PRKDC: variants seen among roughly 807,000 people sequenced by gnomAD.
PRKDC encodes the protein DNA-dependent protein kinase catalytic subunit.
PRKDC carries 82 observed loss-of-function variants against 486.9 expected under a neutral mutation model. The ratio of observed to expected loss-of-function variants is 0.17; its 90% CI spans 0.14 to 0.20. PRKDC has a LOEUF of 0.20. PRKDC is among the 10% of genes least tolerant of loss of function. The probability of loss-of-function intolerance (pLI) is 1.00; values close to 1 mark genes in which losing one functional copy is unlikely to be tolerated. For synonymous variants in PRKDC, 1,895 were observed against 1,837.0 expected, an observed-to-expected ratio of 1.03 and a Z score of -0.81; for missense variants, 4,504 against 5,038.2, an observed-to-expected ratio of 0.89 and a Z score of 3.21.
At chr8:47,936,626 C>T in intron 11 of PRKDC, 109 bp from the exon 12 acceptor site, 2 of 1,134,472 alleles carry the variant, frequency 1.8e-6, no homozygotes, top group Non-Finnish European at 1.2e-6. Context: ...AACAAGGCTT[C>T]TTTTTTTTTT....
chr8:47,839,386 C>A, intron 55 of PRKDC, 140 bp from the exon 56 acceptor site: 1 of 663,506 alleles, frequency 1.5e-6, no homozygotes, highest in Non-Finnish European at 2.7e-6. Context: ...TCACAGCTTG[C>A]CCCACTCATG....
At chr8:47,819,348 C>T in intron 67 of PRKDC, 54 bp downstream of exon 67, 2 of 1,191,202 alleles carry the variant, frequency 1.7e-6, no homozygotes, top group Non-Finnish European at 2.4e-6. Flanking sequence ...AATTTAGATG[C>T]TAAAACTCTT....
intron 44 of PRKDC, 130 bp from the exon 45 acceptor site, chr8:47,861,101 T>C: frequency 1.5e-6 from 1 of 668,218 alleles, no homozygotes; most frequent in Non-Finnish European, 2.4e-6. Flanking sequence ...TTAAAAGCAC[T>C]CAAAAATAAC....
At chr8:47,835,965 T>C (rs374653252) in intron 58 of PRKDC, among the ~76,000 whole-genome samples, 48 of 152,246 alleles carry the variant, frequency 3.2e-4, no homozygotes, top group African/African-American at 1.1e-3. Flanking sequence ...ATGGAGTCTT[T>C]CCATGTTGCC....
At chr8:47,932,108 G>A (rs1329352961) in intron 16 of PRKDC, among the ~76,000 whole-genome samples, 2 of 148,612 alleles carry the variant, frequency 1.3e-5, no homozygotes, top group African/African-American at 5.2e-5. Flanking sequence ...TTTTGAGACA[G>A]AGTCTCGCTC....
chr8:47,861,415 T>A (rs2088675234), intron 44 of PRKDC, among the ~76,000 whole-genome samples: 1 of 152,258 alleles, frequency 6.6e-6, no homozygotes, highest in African/African-American at 2.4e-5. Flanking sequence ...TCTTTGAACA[T>A]ATGCCTAGAA....
intron 64 of PRKDC, 139 bp downstream of exon 64, chr8:47,823,719 T>G: frequency 1.0e-6 from 1 of 992,840 alleles, no homozygotes; most frequent in Non-Finnish European, 1.5e-6. Flanking sequence ...GGAAACCAAT[T>G]TTCTTCCTCA....
chr8:47,831,813 CCTT>C lies in PRKDC; in HGVS notation c.8263_8265del (p.Lys2755del), dbSNP rs764406872. 53 of 1,613,440 alleles carry C rather than the reference CCTT, an allele frequency of 3.3e-5. No individual in the cohort carries two copies. Among genetic ancestry groups the C allele is most frequent in the Non-Finnish European group, 4.4e-5 (52 of 1,179,484 alleles). On this transcript the variant is annotated inframe_deletion and splice_region_variant, in exon 60 of 86. Transcript: ENST00000314191. ...GATCAAATTCTTGACAAGATACAAA[CCTT>C]CTCTCGTTTTTGCTCAGCAACGCCT...
At chr8:47,955,461 CAAAAAAAAAAAAAA>C (rs746883720) in intron 4 of PRKDC, among the ~76,000 whole-genome samples, 2 of 18,536 alleles carry the variant, frequency 1.1e-4, no homozygotes, top group South Asian at 1.4e-3. Flanking sequence ...GACTCCGTCT[CAAAAAAAAAAAAAA>C]AAAAAAAAAA....
intron 73 of PRKDC, among the ~76,000 whole-genome samples, chr8:47,797,353 C>G (rs1057375169): frequency 1.3e-5 from 2 of 152,164 alleles, no homozygotes; most frequent in African/African-American, 4.8e-5. Flanking sequence ...AAAACACATA[C>G]ATGTTGCACT....
At chr8:47,781,432 T>C (rs2086697578) in intron 80 of PRKDC, among the ~76,000 whole-genome samples, 1 of 152,300 alleles carries the variant, frequency 6.6e-6, no homozygotes, top group African/African-American at 2.4e-5. Flanking sequence ...TTAAAAACTT[T>C]TAAAAAAGAA....
At chr8:47,933,840 G>T in intron 15 of PRKDC, 125 bp downstream of exon 15, 3 of 1,015,344 alleles carry the variant, frequency 3.0e-6, no homozygotes, top group East Asian at 3.0e-5. Context: ...TTTTATTTTT[G>T]AAGTACACTG....
At chr8:47,958,860 C>T (rs11781424) in intron 1 of PRKDC, among the ~76,000 whole-genome samples, 52 of 151,980 alleles carry the variant, frequency 3.4e-4, no homozygotes, top group African/African-American at 1.2e-3. Context: ...CTCAGCCTCC[C>T]GAATAGCTGG....
chr8:47,879,338 C>A (rs535145647), intron 39 of PRKDC, among the ~76,000 whole-genome samples, 153 bp downstream of exon 39: 1 of 152,090 alleles, frequency 6.6e-6, no homozygotes, highest in African/African-American at 2.4e-5. Flanking sequence ...ATGTACTGTA[C>A]AAGCTTTGTG....
intron 54 of PRKDC, among the ~76,000 whole-genome samples, chr8:47,845,827 T>C (rs948252719): frequency 1.3e-5 from 2 of 152,152 alleles, no homozygotes; most frequent in African/African-American, 4.8e-5. Context: ...CCCTGACTCA[T>C]TCTCTGAAGC....
intron 7 of PRKDC, among the ~76,000 whole-genome samples, chr8:47,950,376 A>G (rs2090606990): frequency 6.6e-6 from 1 of 152,090 alleles, no homozygotes; most frequent in African/African-American, 2.4e-5. Flanking sequence ...CTGTAATCCC[A>G]GCACTTTGGG....
Position 47,863,414 on chromosome 8 carries a change from G to C in PRKDC, c.5735C>G (p.Thr1912Arg). The C allele has an allele frequency of 6.2e-7, 1 of 1,605,196 alleles. No individual in the cohort carries two copies. Residue 1912 changes from threonine to arginine, a missense_variant, in exon 42 of 86, where the codon ACA (threonine) becomes AGA (arginine). By Grantham distance (71) the Thr-to-Arg change is moderately conservative. This residue lies in a region of PRKDC where 80 missense variants were observed against 132.3 expected (regional missense o/e 0.60). Transcript: ENST00000314191. ...AAAATCTTACTTAATCAATGTCTTT[G>C]TAAGTTCATTTCCTTCTGTAATACA... ...GSCITEGNEL[T>R]KTLIKLCYDA...
rs376694635 is a variant in PRKDC, at chr8:47,843,595, T to C, written c.7281-3406A>G. On this transcript the variant is annotated intron_variant, in intron 54 of 85. Coordinates refer to ENST00000314191, the MANE Select transcript of PRKDC (RefSeq NM_006904.7). ...AGACCATCCCCAAGACACATAGTTATCAGATTTTCCAAGGTCGATGTGAAA... is the reference window on the plus strand; with the variant it reads ...AGACCATCCCCAAGACACATAGTTACCAGATTTTCCAAGGTCGATGTGAAA... Among the ~76,000 whole-genome samples, 28 of 152,248 alleles carry C rather than the reference T, an allele frequency of 1.8e-4. 1 individual carries two copies. Among genetic ancestry groups the C allele is most frequent in the African/African-American group, 6.5e-4 (27 of 41,556 alleles).
At chr8:47,938,887 C>A (rs141568463) in intron 11 of PRKDC, among the ~76,000 whole-genome samples, 1 of 152,248 alleles carries the variant, frequency 6.6e-6, no homozygotes, top group East Asian at 1.9e-4. Context: ...TTAAATATAT[C>A]TCTTTCTGTC....
Sources: gnomAD v4.1 joint callset for allele counts (sites outside exome capture counted in the v4.1 genomes callset) on GRCh38, gnomAD v4.1.1 for gene constraint, gnomAD v4.1.1 regional missense constraint, MANE v1.5 for transcripts, NCBI Gene and HGNC (gene_info 2026-07-23, HGNC 2026-07-21) for gene names.